Variants in LPA observed in about 807,000 individuals in gnomAD.
LPA encodes the protein apolipoprotein(a).
A neutral mutation model predicts 197.9 loss-of-function variants in LPA; 199 were observed. The ratio of observed to expected loss-of-function variants is 1.01; its 90% CI spans 0.90 to 1.13. The LOEUF (loss-of-function observed/expected upper bound fraction) is 1.13. Ranked by LOEUF, LPA falls within the 50% of genes most tolerant of loss-of-function variation. The pLI is 0.00. For synonymous variants in LPA, 715 were observed against 639.5 expected (o/e 1.12, Z -1.78); for missense variants, 1,853 against 1,785.8 (o/e 1.04, Z -0.68).
At chr6:160,546,254 T>C (rs1465579007) in intron 32 of LPA, among the ~76,000 whole-genome samples, 1 of 152,126 alleles carries the variant, frequency 6.6e-6, no homozygotes, top group Admixed American at 6.5e-5. Flanking sequence ...CGATGGCCAA[T>C]GATGTAATCA....
chr6:160,555,324 T>C (rs1189919568), intron 30 of LPA, among the ~76,000 whole-genome samples: 1 of 138,924 alleles, frequency 7.2e-6, no homozygotes, highest in Non-Finnish European at 1.5e-5. Flanking sequence ...TGTGTGTGTA[T>C]GTGTGTGTGT....
At chr6:160,634,720 AT>A (rs1019541338) in intron 7 of LPA, among the ~76,000 whole-genome samples, 1 of 151,900 alleles carries the variant, frequency 6.6e-6, no homozygotes, top group Non-Finnish European at 1.5e-5. Flanking sequence ...CCAGAGCCAC[AT>A]TTTTTGAAAT....
intron 26 of LPA, among the ~76,000 whole-genome samples, chr6:160,579,556 T>A (rs1778751459): frequency 6.6e-6 from 1 of 152,098 alleles, no homozygotes; most frequent in African/African-American, 2.4e-5. Context: ...TGGCTATGGA[T>A]GAGTCAGAAA....
intron 30 of LPA, among the ~76,000 whole-genome samples, chr6:160,552,286 C>T (rs1386236784): frequency 1.3e-5 from 2 of 150,868 alleles, no homozygotes; most frequent in Non-Finnish European, 3.0e-5. Flanking sequence ...ATTTTTTTTT[C>T]CAAAAAAGGA....
At chr6:160,608,091 C>T (rs1779399241) in intron 16 of LPA, among the ~76,000 whole-genome samples, 1 of 152,108 alleles carries the variant, frequency 6.6e-6, no homozygotes, top group Non-Finnish European at 1.5e-5. Flanking sequence ...GTAGTCAACG[C>T]TCATTTAAAA....
chr6:160,567,467 C>A (rs1297150619), intron 28 of LPA, among the ~76,000 whole-genome samples: 1 of 152,126 alleles, frequency 6.6e-6, no homozygotes, highest in East Asian at 1.9e-4. Context: ...ACACAACATA[C>A]CAGAATCTCT....
At chr6:160,560,031 C>T (rs767018711) in intron 28 of LPA, among the ~76,000 whole-genome samples, 2 of 152,160 alleles carry the variant, frequency 1.3e-5, no homozygotes, top group African/African-American at 2.4e-5. Flanking sequence ...TGAGTGAGAA[C>T]ATATGGTGTT....
chr6:160,647,022 G>C (rs1335843164), intron 2 of LPA, among the ~76,000 whole-genome samples: 1 of 152,298 alleles, frequency 6.6e-6, no homozygotes, highest in South Asian at 2.1e-4. Flanking sequence ...GGTCAAGTAG[G>C]TTTGTTTCTG....
At chr6:160,578,469 A>G in intron 27 of LPA, 54 bp downstream of exon 27, 1 of 1,607,690 alleles carries the variant, frequency 6.2e-7, no homozygotes, top group Non-Finnish European at 8.5e-7. Context: ...CATCAGTAAG[A>G]TTTTCCATGG....
In LPA at chr6:160,579,750, T is replaced by C. The variant is rs571757305; in HGVS notation, c.4290-1046A>G. Among the ~76,000 whole-genome samples the C allele has an allele frequency of 2.0e-5, 3 of 152,268 alleles. No individual in the cohort carries two copies. In the South Asian group the frequency reaches 6.2e-4, roughly 32 times the overall value. On this transcript the variant is annotated intron_variant, in intron 26 of 38. Coordinates refer to ENST00000316300, the MANE Select transcript of LPA (RefSeq NM_005577.4). The stretch of plus-strand genomic sequence containing the variant: ...GCATGGGAATCCAACACGGTCTCTG[T>C]AGAGACTCTACACATGTGACCTAGT...
chr6:160,610,795 A>G (rs1779485333), intron 16 of LPA, among the ~76,000 whole-genome samples: 1 of 152,140 alleles, frequency 6.6e-6, no homozygotes, highest in East Asian at 1.9e-4. Context: ...GTATCCAGGA[A>G]GAAAGCCAAG....
chr6:160,535,038 AGTG>A (rs1777865411), intron 37 of LPA, among the ~76,000 whole-genome samples: 2 of 126,390 alleles, frequency 1.6e-5, no homozygotes, highest in African/African-American at 3.0e-5. Flanking sequence ...GTGGTGGAGT[AGTG>A]GTGATGGTGG....
intron 27 of LPA, among the ~76,000 whole-genome samples, chr6:160,578,211 G>T (rs1056984172): frequency 1.3e-5 from 2 of 152,200 alleles, no homozygotes; most frequent in East Asian, 1.9e-4. Flanking sequence ...TCACATATTT[G>T]GCAGGCTGTT....
intron 1 of LPA, among the ~76,000 whole-genome samples, chr6:160,663,497 C>G (rs1246193608): frequency 6.6e-6 from 1 of 152,176 alleles, no homozygotes; most frequent in Non-Finnish European, 1.5e-5. Flanking sequence ...TTGTAAAGGA[C>G]ACACACTTAC....
chr6:160,575,131 A>G (rs1778632022), intron 28 of LPA, among the ~76,000 whole-genome samples: 2 of 152,324 alleles, frequency 1.3e-5, no homozygotes, highest in East Asian at 1.9e-4. Context: ...AAAGTAAATC[A>G]TACATTTTTA....
At chr6:160,606,740 C>T in intron 16 of LPA, 82 bp from the exon 17 acceptor site, 1 of 1,550,926 alleles carries the variant, frequency 6.4e-7, no homozygotes, top group Non-Finnish European at 8.9e-7. Context: ...TGTGCTGCAA[C>T]AAGGTCATTA....
Position 160,542,770 on chromosome 6 carries a change from G to T in LPA, c.5437C>A (p.Pro1813Thr), listed in dbSNP as rs781200820. 1.2e-6 allele frequency: 2 copies of T among 1,614,098 alleles called. No individual in the cohort carries two copies. Among genetic ancestry groups the T allele is most frequent in the Non-Finnish European group, 1.7e-6 (2 of 1,179,998 alleles). The change falls in exon 34 of 39, where the codon CCG (proline) becomes ACG (threonine). Residue 1813 changes from proline to threonine, a missense_variant. By Grantham distance (38) the Pro-to-Thr change is conservative. Transcript: ENST00000316300. ...ACAATGCTTCCAGGACATTTCTTCG[G>T]CTCCACTTGAGGCTTCCCACAATCA... ...SFDCGKPQVE[P>T]KKCPGSIVGG... is the part of the protein sequence containing the mutation.
intron 24 of LPA, among the ~76,000 whole-genome samples, chr6:160,586,855 A>C (rs990534724): frequency 1.3e-5 from 2 of 152,230 alleles, no homozygotes; most frequent in Non-Finnish European, 2.9e-5. Context: ...TCTATGCTTT[A>C]TAAGAAAACT....
intron 14 of LPA, among the ~76,000 whole-genome samples, chr6:160,615,349 A>AATTTCTGT (rs1562346197): frequency 7.1e-6 from 1 of 141,468 alleles, no homozygotes; most frequent in Admixed American, 7.0e-5. Context: ...GTGTGTTTTC[A>AATTTCTGT]GTTTGTGTGT....
Sources: allele counts gnomAD v4.1 joint callset (sites outside exome capture counted in the v4.1 genomes callset), GRCh38; gene constraint gnomAD v4.1.1; transcripts MANE v1.5; gene names NCBI Gene and HGNC (gene_info 2026-07-23, HGNC 2026-07-21).